Variants in TMPRSS15 observed in about 807,000 individuals in gnomAD.
TMPRSS15 encodes transmembrane serine protease 15.
A neutral mutation model predicts 125.3 loss-of-function variants in TMPRSS15; 128 were observed. The observed-to-expected ratio is 1.02, with a 90% CI of 0.89 to 1.18. TMPRSS15 has a LOEUF of 1.18. Among genes scored for constraint, TMPRSS15 ranks in the 50% most tolerant of loss-of-function variants. The pLI is 0.00. For synonymous variants in TMPRSS15, 446 were observed against 423.2 expected, an observed-to-expected ratio of 1.05 and a Z score of -0.66; for missense variants, 1,283 against 1,212.7, an observed-to-expected ratio of 1.06 and a Z score of -0.86.
At chr21:18,283,982 G>C (rs946255965) in intron 21 of TMPRSS15, among the ~76,000 whole-genome samples, 10 of 152,114 alleles carry the variant, frequency 6.6e-5, no homozygotes, top group Admixed American at 5.2e-4. Flanking sequence ...AAATATACGT[G>C]CTTCAAGCTA....
At chr21:18,446,653 C>T (rs958986018) in intron 1 of TMPRSS15, among the ~76,000 whole-genome samples, 1 of 152,092 alleles carries the variant, frequency 6.6e-6, no homozygotes, top group African/African-American at 2.4e-5. Context: ...TTACAGCCCA[C>T]TGATTTTCAA....
At chr21:18,428,687 T>C (rs549819041) in intron 1 of TMPRSS15, among the ~76,000 whole-genome samples, 3 of 152,254 alleles carry the variant, frequency 2.0e-5, no homozygotes, top group East Asian at 1.9e-4. Context: ...AAGTCAAGAA[T>C]TGAGGTTTGG....
chr21:18,444,112 C>A (rs2076249613), intron 1 of TMPRSS15, among the ~76,000 whole-genome samples: 2 of 152,154 alleles, frequency 1.3e-5, no homozygotes, highest in Non-Finnish European at 2.9e-5. Context: ...CAAGTCACAC[C>A]TGCTAGGGCT....
chr21:18,469,792 A>G (rs1348566989), intron 1 of TMPRSS15, among the ~76,000 whole-genome samples: 3 of 152,106 alleles, frequency 2.0e-5, no homozygotes, highest in Admixed American at 1.3e-4. Flanking sequence ...GGCCATAAAA[A>G]TAACTGTCTC....
intron 1 of TMPRSS15, among the ~76,000 whole-genome samples, chr21:18,479,056 AT>A (rs1053885403): frequency 1.7e-4 from 26 of 152,058 alleles, no homozygotes; most frequent in African/African-American, 6.3e-4. Flanking sequence ...AAAATCTGAA[AT>A]TGGAAATGCT....
chr21:18,353,969 A>G (rs1388126236), intron 8 of TMPRSS15, 106 bp from the exon 9 acceptor site: 5 of 1,035,340 alleles, frequency 4.8e-6, no homozygotes, highest in Admixed American at 3.8e-5. Flanking sequence ...GTTGATCTAT[A>G]CAAATATCTA....
rs1485459580 is a variant in TMPRSS15 at position 18,466,797 on chromosome 21, G to T, written c.10+19002C>A. ...AGGATGTGGAGAAACAGGAATGCTT[G>T]TACACAGTTGGTGAGAGTGTAAATT... On this transcript the variant is annotated intron_variant, in intron 1 of 7. Coordinates refer to the TMPRSS15 transcript ENST00000422787. 2.6e-5 allele frequency among the ~76,000 whole-genome samples: 4 copies of T among 152,120 alleles called. No homozygotes were observed. The East Asian group carries it at 7.7e-4, about 29-fold the overall frequency.
chr21:18,363,722 G>C (rs189731373), intron 7 of TMPRSS15, among the ~76,000 whole-genome samples: 1 of 152,074 alleles, frequency 6.6e-6, no homozygotes, highest in African/African-American at 2.4e-5. Flanking sequence ...TTATGTGTGT[G>C]TGTGTGTTTC....
chr21:18,343,556 C>A lies in TMPRSS15; in HGVS notation c.1378G>T (p.Asp460Tyr). The change falls in exon 12 of 25, where the codon GAC becomes TAC. Residue 460 changes from aspartate to tyrosine, a missense_variant. Transcript: ENST00000284885. ...GTTACTTGTCCATAATTCCAATTGT[C>A]TCCATAATTTCCTTCCTTTTGGAAA... Reference protein sequence around the residue: ...TVFQKEGNYGDNWNYGQVTLN... With the variant: ...TVFQKEGNYGYNWNYGQVTLN... 6.2e-7 allele frequency: 1 copy of A among 1,613,420 alleles called. No homozygotes were observed. The highest frequency in any genetic ancestry group is 1.1e-5 in the South Asian group (1 of 91,064).
intron 16 of TMPRSS15, among the ~76,000 whole-genome samples, chr21:18,315,728 G>A (rs2075158290): frequency 8.8e-6 from 1 of 114,202 alleles, no homozygotes; most frequent in Admixed American, 9.7e-5. Context: ...GGTGGAGCTA[G>A]CTTTGATACT....
At chr21:18,331,802 C>T (rs1220829700) in intron 14 of TMPRSS15, among the ~76,000 whole-genome samples, 1 of 152,050 alleles carries the variant, frequency 6.6e-6, no homozygotes, top group African/African-American at 2.4e-5. Flanking sequence ...TATTCAACTT[C>T]TAAATTTGGA....
intron 18 of TMPRSS15, among the ~76,000 whole-genome samples, chr21:18,298,132 T>C (rs1481093561): frequency 6.6e-6 from 1 of 152,258 alleles, no homozygotes; most frequent in Non-Finnish European, 1.5e-5. Flanking sequence ...CTTAGTTACC[T>C]GTTTTATAAA....
At chr21:18,326,044 G>C (rs2075286032) in intron 16 of TMPRSS15, among the ~76,000 whole-genome samples, 1 of 152,050 alleles carries the variant, frequency 6.6e-6, no homozygotes, top group African/African-American at 2.4e-5. Context: ...TTGTTGGCAT[G>C]CCAACAGCTC....
chr21:18,408,708 C>T (rs1569063017), upstream of TMPRSS15, among the ~76,000 whole-genome samples: 2 of 152,058 alleles, frequency 1.3e-5, no homozygotes, highest in African/African-American at 4.8e-5. Context: ...ATTTAATAAA[C>T]ATCTTAACTA....
At chr21:18,315,331 G>T (rs1601322594) in intron 16 of TMPRSS15, 75 bp from the exon 17 acceptor site, 2 of 1,281,748 alleles carry the variant, frequency 1.6e-6, no homozygotes, top group East Asian at 4.8e-5. Context: ...AATCCCATTT[G>T]CTCCCCTTTA....
intron 21 of TMPRSS15, among the ~76,000 whole-genome samples, chr21:18,283,365 T>A (rs983379412): frequency 8.0e-5 from 1 of 12,568 alleles, no homozygotes; most frequent in African/African-American, 4.4e-4. Context: ...ATTGTATGAT[T>A]TTTTTTTTAC....
chr21:18,332,062 A>G lies in TMPRSS15; in HGVS notation c.1654+22T>C, dbSNP rs762911267. On this transcript the variant is annotated intron_variant, in intron 14 of 24. Transcript: ENST00000284885. The stretch of plus-strand genomic sequence containing the variant: ...TTCATATGGACATTTGTTTCTGATG[A>G]CCTGGAAAAGAAATGACTCACAGAA... 7 of 1,596,072 alleles carry G rather than the reference A, an allele frequency of 4.4e-6. No homozygotes were observed. In the African/African-American group the frequency reaches 9.4e-5, roughly 21 times the overall value.
At chr21:18,322,129 A>G (rs1281258231) in intron 16 of TMPRSS15, among the ~76,000 whole-genome samples, 1 of 152,166 alleles carries the variant, frequency 6.6e-6, no homozygotes, top group Non-Finnish European at 1.5e-5. Context: ...TTTGAGTTTG[A>G]TCTTGAATCA....
At chr21:18,325,241 G>A (rs990214) in intron 16 of TMPRSS15, among the ~76,000 whole-genome samples, 50,821 of 108,134 alleles carry the variant, frequency 0.47, 7,917 homozygotes, top group African/African-American at 0.57. Flanking sequence ...TTTACTCATT[G>A]TTTTTTATTG....
Sources: gnomAD v4.1 joint callset for allele counts (sites outside exome capture counted in the v4.1 genomes callset) on GRCh38, gnomAD v4.1.1 for gene constraint, MANE v1.5 for transcripts, NCBI Gene and HGNC (gene_info 2026-07-23, HGNC 2026-07-21) for gene names.